FAT3: variants seen among roughly 807,000 people sequenced by gnomAD.
FAT3 encodes protocadherin Fat 3.
A neutral mutation model predicts 310.2 loss-of-function variants in FAT3; 95 were observed. The ratio of observed to expected loss-of-function variants is 0.31; its 90% confidence interval spans 0.26 to 0.36. The LOEUF is 0.36. Ranked by LOEUF, FAT3 falls within the 10% of genes least tolerant of loss-of-function variation. FAT3 has a pLI of 1.00. For missense variants in FAT3, 5,408 were observed against 5,715.6 expected (o/e 0.95, Z 1.74); for synonymous variants, 2,314 against 2,192.9 (o/e 1.06, Z -1.54).
chr11:92,628,068 T>C (rs1941402928), intron 3 of FAT3, among the ~76,000 whole-genome samples: 1 of 152,188 alleles, frequency 6.6e-6, no homozygotes, highest in African/African-American at 2.4e-5. Flanking sequence ...CTGGGTTGTT[T>C]TATGGGATAG....
In FAT3 at chr11:92,605,853, C is replaced by T. The variant is rs143398095; in HGVS notation, c.3607+80905C>T. On this transcript the variant is annotated intron_variant, in intron 3 of 27. Transcript: ENST00000525166. ...CAGTCTTCTGCCCCTGGTTCAGTGA[C>T]GGATGTGTAATACTCCTGGCGAGGG... Among the ~76,000 whole-genome samples, 693 of 150,084 alleles carry T rather than the reference C, an allele frequency of 4.6e-3. 2 individuals carry two copies. Among genetic ancestry groups the T allele is most frequent in the Non-Finnish European group, 7.6e-3 (516 of 67,794 alleles).
At position 92,790,096 on chromosome 11, in the gene FAT3, G is replaced by C; in HGVS notation, c.4489G>C (p.Val1497Leu). 6.2e-7 allele frequency: 1 copy of C among 1,613,844 alleles called. No homozygotes were observed. The highest frequency in any genetic ancestry group is 8.5e-7 in the Non-Finnish European group (1 of 1,179,758). The change falls in exon 8 of 28, where the codon GTT becomes CTT. Residue 1497 changes from valine (V) to leucine (L), a missense_variant. By Grantham distance (32) the Val-to-Leu change is conservative. Transcript: ENST00000525166. ...RDEKHKLSYTVHSSIDSISMR... is the reference protein window; with the variant it reads ...RDEKHKLSYTLHSSIDSISMR... ...TGAGAAGCACAAGCTGAGCTACACT[G>C]TTCATAGCAGCATCGACTCCATCAG... is the stretch of plus-strand genomic sequence containing the variant.
chr11:92,447,652 C>T (rs762058888), intron 2 of FAT3, among the ~76,000 whole-genome samples: 3 of 151,780 alleles, frequency 2.0e-5, no homozygotes, highest in African/African-American at 2.4e-5. Context: ...TACTTAGAAG[C>T]GCTTTTCTTT....
chr11:92,609,882 A>G (rs1350389005), intron 3 of FAT3, among the ~76,000 whole-genome samples: 1 of 152,186 alleles, frequency 6.6e-6, no homozygotes, highest in African/African-American at 2.4e-5. Flanking sequence ...TACTTGAAAT[A>G]GGCAGACTAA....
intron 3 of FAT3, among the ~76,000 whole-genome samples, chr11:92,570,791 G>A (rs953862964): frequency 6.6e-5 from 10 of 152,122 alleles, no homozygotes; most frequent in Admixed American, 4.6e-4. Context: ...AGAACCAGTC[G>A]TTTTCAGGGT....
chr11:92,597,657 A>T (rs1690081949), intron 3 of FAT3, among the ~76,000 whole-genome samples: 1 of 152,162 alleles, frequency 6.6e-6, no homozygotes, highest in South Asian at 2.1e-4. Context: ...TTTTCTCTGG[A>T]ACTGGCTTCT....
At chr11:92,552,024 G>A (rs1954838038) in intron 3 of FAT3, among the ~76,000 whole-genome samples, 1 of 152,294 alleles carries the variant, frequency 6.6e-6, no homozygotes, top group Admixed American at 6.5e-5. Context: ...AGACATCTAT[G>A]TAGTAGGCAG....
In FAT3 at chr11:92,271,341, C is replaced by T. The variant is rs1333978555; in HGVS notation, c.-18+46167C>T. 3.3e-5 allele frequency among the ~76,000 whole-genome samples: 5 copies of T among 152,116 alleles called. No individual in the cohort carries two copies. The East Asian group carries it at 9.6e-4, about 29-fold the overall frequency. On this transcript the variant is annotated intron_variant, in intron 1 of 27. Coordinates refer to ENST00000525166, the MANE Select transcript of FAT3 (RefSeq NM_001367949.2). Reference sequence around the variant, plus strand: ...CCTCCCCAATATCCCTATGTGCTTCCTTGTCCTTCATGTCTTCCCTCTGCT... The same window carrying T: ...CCTCCCCAATATCCCTATGTGCTTCTTTGTCCTTCATGTCTTCCCTCTGCT...
intron 23 of FAT3, among the ~76,000 whole-genome samples, chr11:92,882,108 T>C (rs1371452696): frequency 6.6e-6 from 1 of 152,212 alleles, no homozygotes; most frequent in Non-Finnish European, 1.5e-5. Context: ...CTCTGAGAAC[T>C]TAAAGGGTTT....
intron 1 of FAT3, among the ~76,000 whole-genome samples, chr11:92,289,832 A>G (rs1946648868): frequency 6.6e-6 from 1 of 152,024 alleles, no homozygotes; most frequent in Non-Finnish European, 1.5e-5. Flanking sequence ...TCTGTTTGCA[A>G]CACATCAGCT....
intron 2 of FAT3, among the ~76,000 whole-genome samples, chr11:92,448,316 G>A (rs1207079403): frequency 6.6e-6 from 1 of 151,838 alleles, no homozygotes; most frequent in Non-Finnish European, 1.5e-5. Context: ...TTTCATGATT[G>A]CATCTGAACT....
chr11:92,516,201 G>T (rs890448743), intron 2 of FAT3, among the ~76,000 whole-genome samples: 8 of 151,968 alleles, frequency 5.3e-5, no homozygotes, highest in Non-Finnish European at 8.8e-5. Flanking sequence ...AAAATTTCAG[G>T]CCAATATCCC....
At chr11:92,442,115 T>A (rs868421817) in intron 2 of FAT3, among the ~76,000 whole-genome samples, 17 of 93,586 alleles carry the variant, frequency 1.8e-4, no homozygotes, top group African/African-American at 7.2e-4. Flanking sequence ...ATATATATTT[T>A]TTTTTTTTTT....
chr11:92,230,184 C>T (rs1426926777), intron 1 of FAT3, among the ~76,000 whole-genome samples: 4 of 152,272 alleles, frequency 2.6e-5, no homozygotes, highest in Admixed American at 6.5e-5. Flanking sequence ...TGCCTTTGTA[C>T]ATCTGAAATA....
At chr11:92,557,308 C>T (rs1250791522) in intron 3 of FAT3, among the ~76,000 whole-genome samples, 7 of 152,036 alleles carry the variant, frequency 4.6e-5, no homozygotes, top group African/African-American at 9.7e-5. Flanking sequence ...CAGGTCTTTC[C>T]GTCTCCCAGG....
intron 13 of FAT3, among the ~76,000 whole-genome samples, chr11:92,819,190 G>C (rs1947898081): frequency 1.3e-5 from 2 of 152,164 alleles, no homozygotes; most frequent in African/African-American, 4.8e-5. Flanking sequence ...AGGAGGGTTG[G>C]TTAACAGACA....
intron 2 of FAT3, among the ~76,000 whole-genome samples, chr11:92,489,349 C>T (rs562861304): frequency 1.3e-5 from 2 of 152,178 alleles, no homozygotes; most frequent in South Asian, 4.1e-4. Context: ...GAGGCCTATT[C>T]CCGATCATTA....
At chr11:92,358,034 G>A (rs1246842458) in intron 2 of FAT3, among the ~76,000 whole-genome samples, 1 of 151,394 alleles carries the variant, frequency 6.6e-6, no homozygotes, top group Admixed American at 6.6e-5. Flanking sequence ...TTATCTGGGT[G>A]TGGTGGTGCA....
chr11:92,618,260 G>T (rs1035193529), intron 3 of FAT3, among the ~76,000 whole-genome samples: 1 of 152,198 alleles, frequency 6.6e-6, no homozygotes, highest in Non-Finnish European at 1.5e-5. Context: ...AGGCGCCATG[G>T]GTGTAGAACC....
Sources: gnomAD v4.1 joint callset for allele counts (sites outside exome capture counted in the v4.1 genomes callset) on GRCh38, gnomAD v4.1.1 for gene constraint, MANE v1.5 for transcripts, NCBI Gene and HGNC (gene_info 2026-07-23, HGNC 2026-07-21) for gene names.